Variants in GOLM1 observed in about 807,000 individuals in gnomAD.
The protein encoded by GOLM1 is epididymis luminal protein 46.
A neutral mutation model predicts 50.5 loss-of-function variants in GOLM1; 31 were observed. That is an observed-to-expected ratio of 0.61 (90% CI 0.46 to 0.83). GOLM1 has a LOEUF of 0.83. Among genes scored for constraint, GOLM1 ranks in the 40% least tolerant of loss-of-function variants. GOLM1 has a pLI of 0.00. For missense variants in GOLM1, 491 were observed against 501.3 expected (o/e 0.98, Z 0.20); for synonymous variants, 178 against 192.8 (o/e 0.92, Z 0.64).
At position 86,080,683 on chromosome 9, in the gene GOLM1, C is replaced by T. The variant is rs542463474; in HGVS notation, c.-21-1342G>A. 3.9e-5 allele frequency among the ~76,000 whole-genome samples: 6 copies of T among 152,130 alleles called. No individual in the cohort carries two copies. In the South Asian group the frequency reaches 8.3e-4, roughly 21 times the overall value. ...CCAGGGGATAAAGAAGCAATCTAGC[C>T]GAATCATCTAAAATAAAGCACCCCC... On this transcript the variant is annotated intron_variant, in intron 1 of 9. Transcript: ENST00000388712.
chr9:86,074,065 G>A (rs1227714380), intron 3 of GOLM1, among the ~76,000 whole-genome samples: 1 of 152,050 alleles, frequency 6.6e-6, no homozygotes, highest in African/African-American at 2.4e-5. Flanking sequence ...GAGGAACGCT[G>A]GCAGAGACAG....
Position 86,078,306 on chromosome 9 carries a change from A to G in GOLM1, c.130-715T>C, listed in dbSNP as rs145374268. Among the ~76,000 whole-genome samples, 91 of 152,354 alleles carry G rather than the reference A, an allele frequency of 6.0e-4. 1 individual carries two copies. The highest frequency in any genetic ancestry group is 2.1e-3 in the African/African-American group (88 of 41,582). Reference sequence around the variant, plus strand: ...ATTAAAATGGTAAGAAAGACTATTCAAAACGATTGCAATAGGAGAGGGAAA... The same window carrying G: ...ATTAAAATGGTAAGAAAGACTATTCGAAACGATTGCAATAGGAGAGGGAAA... On this transcript the variant is annotated intron_variant, in intron 2 of 9. Coordinates refer to ENST00000388712, the MANE Select transcript of GOLM1 (RefSeq NM_016548.4).
At chr9:86,029,257 C>T (rs1243798616) in intron 9 of GOLM1, among the ~76,000 whole-genome samples, 1 of 151,878 alleles carries the variant, frequency 6.6e-6, no homozygotes, top group Non-Finnish European at 1.5e-5. Flanking sequence ...GTAACAGTGA[C>T]ATAATGCCCC....
At chr9:86,096,324 C>T (rs1206949186) in intron 1 of GOLM1, among the ~76,000 whole-genome samples, 2 of 152,108 alleles carry the variant, frequency 1.3e-5, no homozygotes, top group Non-Finnish European at 2.9e-5. Context: ...GGCTACTGGG[C>T]TATAACAGCA....
chr9:86,056,657 C>T (rs1833999508), intron 3 of GOLM1, among the ~76,000 whole-genome samples: 1 of 152,074 alleles, frequency 6.6e-6, no homozygotes, highest in Non-Finnish European at 1.5e-5. Context: ...AGGCGCCCGC[C>T]ACCACGCCTG....
chr9:86,087,840 C>T (rs1248285626), intron 1 of GOLM1, among the ~76,000 whole-genome samples: 2 of 152,120 alleles, frequency 1.3e-5, no homozygotes, highest in Non-Finnish European at 2.9e-5. Flanking sequence ...ATTTGGTTTG[C>T]CAGTATTTTA....
rs1035032885 is a variant in GOLM1, at chr9:86,027,577, G to A, written c.*240C>T. Reference sequence around the variant, plus strand: ...CCAGTTTTGGTGTTGAACTTCTCACGAAATACCTACTACCAAAAATTGTGA... The same window carrying A: ...CCAGTTTTGGTGTTGAACTTCTCACAAAATACCTACTACCAAAAATTGTGA... On this transcript the variant is annotated 3_prime_UTR_variant, in exon 10 of 10. Coordinates refer to ENST00000388712, the MANE Select transcript of GOLM1 (RefSeq NM_016548.4). 9.3e-6 allele frequency: 12 copies of A among 1,286,118 alleles called. No homozygotes were observed. The highest frequency in any genetic ancestry group is 4.0e-5 in the Admixed American group (1 of 25,142). The allele number at this position is 1,286,118 out of a possible 1,614,324, so 79.7% of individuals were successfully genotyped here. A position where few individuals can be genotyped will look rare whatever the true frequency, so the allele number is the denominator to read the frequency against.
chr9:86,056,099 T>C (rs953802783), intron 3 of GOLM1, among the ~76,000 whole-genome samples: 2 of 150,448 alleles, frequency 1.3e-5, no homozygotes, highest in African/African-American at 4.9e-5. Flanking sequence ...ATTATGGCAA[T>C]TTGATGTGTC....
chr9:86,044,038 C>A (rs776723333), intron 5 of GOLM1, among the ~76,000 whole-genome samples: 1 of 152,180 alleles, frequency 6.6e-6, no homozygotes, highest in African/African-American at 2.4e-5. Context: ...GGTTTCTCAA[C>A]CTTAGCACTG....
At chr9:86,058,358 G>C (rs1834049149) in intron 3 of GOLM1, among the ~76,000 whole-genome samples, 1 of 152,218 alleles carries the variant, frequency 6.6e-6, no homozygotes. Flanking sequence ...TTAGTCACTA[G>C]TGAAATGCAA....
At chr9:86,034,497 G>A (rs899777229) in intron 8 of GOLM1, among the ~76,000 whole-genome samples, 4 of 152,160 alleles carry the variant, frequency 2.6e-5, no homozygotes, top group African/African-American at 9.7e-5. Flanking sequence ...GAGCGCCACA[G>A]GCTGAGCGAG....
intron 3 of GOLM1, among the ~76,000 whole-genome samples, chr9:86,057,108 G>C (rs548675862): frequency 1.2e-4 from 18 of 152,246 alleles, no homozygotes; most frequent in African/African-American, 4.1e-4. Context: ...ACACAGACAA[G>C]GAGGCAATAA....
chr9:86,089,382 T>C (rs1248354041), intron 1 of GOLM1, among the ~76,000 whole-genome samples: 1 of 152,214 alleles, frequency 6.6e-6, no homozygotes, highest in Admixed American at 6.5e-5. Flanking sequence ...CCCCTCACTT[T>C]CAGGTACACC....
intron 3 of GOLM1, among the ~76,000 whole-genome samples, chr9:86,076,191 G>A (rs1834605172): frequency 6.6e-6 from 1 of 151,856 alleles, no homozygotes; most frequent in African/African-American, 2.4e-5. Flanking sequence ...GGCCAAGACG[G>A]GTACATCACC....
At chr9:86,067,495 CAT>C (rs1457040940) in intron 3 of GOLM1, among the ~76,000 whole-genome samples, 1 of 152,220 alleles carries the variant, frequency 6.6e-6, no homozygotes, top group Non-Finnish European at 1.5e-5. Flanking sequence ...AGTTTAAAAA[CAT>C]TACCACAAAT....
chr9:86,057,019 A>G (rs1834013740), intron 3 of GOLM1, among the ~76,000 whole-genome samples: 1 of 152,194 alleles, frequency 6.6e-6, no homozygotes, highest in African/African-American at 2.4e-5. Context: ...CTAAACAGCC[A>G]GGTTGTTTTT....
intron 3 of GOLM1, among the ~76,000 whole-genome samples, chr9:86,065,041 C>T (rs1587722696): frequency 6.6e-6 from 1 of 152,178 alleles, no homozygotes; most frequent in South Asian, 2.1e-4. Context: ...TCTGGGCCTG[C>T]ACTGCAGCAG....
chr9:86,091,203 G>A (rs1047284485), intron 1 of GOLM1, among the ~76,000 whole-genome samples: 2 of 152,030 alleles, frequency 1.3e-5, no homozygotes, highest in African/African-American at 4.8e-5. Flanking sequence ...TTGCTATTTG[G>A]CCATCTTACC....
At chr9:86,085,223 T>C (rs1013084094) in intron 1 of GOLM1, among the ~76,000 whole-genome samples, 2 of 152,346 alleles carry the variant, frequency 1.3e-5, no homozygotes, top group African/African-American at 4.8e-5. Flanking sequence ...AGCACATTAA[T>C]TGTGAGTACA....
Sources: gnomAD v4.1 joint callset for allele counts (sites outside exome capture counted in the v4.1 genomes callset) on GRCh38, gnomAD v4.1.1 for gene constraint, MANE v1.5 for transcripts, NCBI Gene and HGNC (gene_info 2026-07-23, HGNC 2026-07-21) for gene names.